The following GLIS3 variants were observed in gnomAD, a reference collection of about 807,000 sequenced individuals.
The protein encoded by GLIS3 is zinc finger protein GLIS3.
A neutral mutation model predicts 78.6 loss-of-function variants in GLIS3; 53 were observed. That is an observed-to-expected ratio of 0.67 (90% CI 0.54 to 0.85). GLIS3 has a LOEUF of 0.85. Ranked by LOEUF, GLIS3 falls within the 40% of genes least tolerant of loss-of-function variation. The pLI, the probability that GLIS3 is intolerant of heterozygous loss-of-function variation, is 0.00. For synonymous variants in GLIS3, 684 were observed against 509.9 expected, an observed-to-expected ratio of 1.34 and a Z score of -4.60; for missense variants, 1,703 against 1,231.1, an observed-to-expected ratio of 1.38 and a Z score of -5.74.
chr9:4,307,177 G>A (rs1289084446), intron 4 of GLIS3, among the ~76,000 whole-genome samples: 1 of 152,142 alleles, frequency 6.6e-6, no homozygotes, highest in Non-Finnish European at 1.5e-5. Flanking sequence ...CTAATGAGTG[G>A]TGGAGGTGAG....
intron 7 of GLIS3, among the ~76,000 whole-genome samples, chr9:3,897,537 G>T (rs901210469): frequency 6.6e-6 from 1 of 152,132 alleles, no homozygotes; most frequent in African/African-American, 2.4e-5. Context: ...TGAAACCTCT[G>T]TAAGTTTGGT....
the GLIS3 span, among the ~76,000 whole-genome samples, chr9:4,420,556 G>C: frequency 6.6e-6 from 1 of 152,104 alleles, no homozygotes; most frequent in South Asian, 2.1e-4. Context: ...ACCAGAGCAT[G>C]TTTACCATTT....
intron 2 of GLIS3, among the ~76,000 whole-genome samples, chr9:4,312,964 A>C (rs1422837968): frequency 6.6e-6 from 1 of 152,206 alleles, no homozygotes; most frequent in African/African-American, 2.4e-5. Flanking sequence ...GGTACAGAAA[A>C]ATTAAATCAC....
intron 2 of GLIS3, among the ~76,000 whole-genome samples, chr9:4,224,439 T>C (rs541231829): frequency 2.9e-4 from 44 of 152,356 alleles, no homozygotes; most frequent in African/African-American, 9.9e-4. Flanking sequence ...CATCATACAC[T>C]GTCCTCTTTA....
intron 2 of GLIS3, among the ~76,000 whole-genome samples, chr9:4,342,244 A>G (rs766412386): frequency 6.6e-6 from 1 of 152,112 alleles, no homozygotes; most frequent in Non-Finnish European, 1.5e-5. Flanking sequence ...TAGGTCTTTA[A>G]CCCATCTTGA....
intron 4 of GLIS3, among the ~76,000 whole-genome samples, chr9:3,982,051 T>C (rs910076188): frequency 2.6e-5 from 4 of 152,236 alleles, no homozygotes; most frequent in Non-Finnish European, 5.9e-5. Context: ...AATTCCATTA[T>C]ACCTTTAAAG....
intron 4 of GLIS3, among the ~76,000 whole-genome samples, chr9:3,965,356 G>A (rs147396797): frequency 0.011 from 1,689 of 151,756 alleles, 18 homozygotes; most frequent in South Asian, 0.023. Context: ...ACCACTCCTG[G>A]CTAATTTTTG....
chr9:3,925,109 T>C (rs531943906), intron 6 of GLIS3, among the ~76,000 whole-genome samples: 1 of 152,312 alleles, frequency 6.6e-6, no homozygotes, highest in Admixed American at 6.5e-5. Context: ...AACTACTTTG[T>C]TACATTTGAC....
At chr9:4,426,701 A>G in the GLIS3 span, among the ~76,000 whole-genome samples, 1 of 152,196 alleles carries the variant, frequency 6.6e-6, no homozygotes, top group Admixed American at 6.5e-5. Flanking sequence ...AACTAGAATG[A>G]TTGGGTTTCA....
chr9:4,480,774 A>T, the GLIS3 span, among the ~76,000 whole-genome samples: 1 of 152,074 alleles, frequency 6.6e-6, no homozygotes, highest in African/African-American at 2.4e-5. Flanking sequence ...GGAATTGTAG[A>T]ATGCATATTG....
the GLIS3 span, among the ~76,000 whole-genome samples, chr9:4,438,068 G>A: frequency 1.3e-5 from 2 of 152,000 alleles, no homozygotes; most frequent in Non-Finnish European, 2.9e-5. Flanking sequence ...GTTTTTCAAT[G>A]GTCAGCTGTA....
At chr9:3,923,184 C>G (rs989354814) in intron 6 of GLIS3, among the ~76,000 whole-genome samples, 3 of 152,182 alleles carry the variant, frequency 2.0e-5, no homozygotes, top group African/African-American at 4.8e-5. Flanking sequence ...ACTGTAAATA[C>G]CTAATTCGTT....
chr9:4,374,374 G>A, the GLIS3 span, among the ~76,000 whole-genome samples: 1 of 152,168 alleles, frequency 6.6e-6, no homozygotes, highest in African/African-American at 2.4e-5. Flanking sequence ...CTGTTCTCCG[G>A]GCTCCTTGCT....
intron 2 of GLIS3, among the ~76,000 whole-genome samples, chr9:4,268,697 G>C (rs930981539): frequency 6.6e-6 from 1 of 152,164 alleles, no homozygotes. Flanking sequence ...GATAGGTGGT[G>C]ATACCCCACA....
chr9:4,374,559 G>A, the GLIS3 span, among the ~76,000 whole-genome samples: 2 of 152,224 alleles, frequency 1.3e-5, no homozygotes, highest in Non-Finnish European at 2.9e-5. Context: ...CATGGCGGCT[G>A]TCTCTCTCAC....
intron 2 of GLIS3, among the ~76,000 whole-genome samples, chr9:4,257,064 C>T (rs1222671049): frequency 6.6e-6 from 1 of 151,892 alleles, no homozygotes; most frequent in Non-Finnish European, 1.5e-5. Context: ...ATTATGTGTA[C>T]ATATGTATGT....
At chr9:4,208,835 C>T (rs1820111158) in intron 2 of GLIS3, among the ~76,000 whole-genome samples, 1 of 152,160 alleles carries the variant, frequency 6.6e-6, no homozygotes, top group South Asian at 2.1e-4. Flanking sequence ...GTGACCAACA[C>T]CTTGTGTGCC....
chr9:4,440,458 C>T, the GLIS3 span, among the ~76,000 whole-genome samples: 15 of 152,306 alleles, frequency 9.8e-5, 1 homozygote, highest in East Asian at 5.8e-4. Flanking sequence ...AAAATGTGTT[C>T]GTAGCACCTT....
chr9:4,171,520 C>T (rs947115477), intron 2 of GLIS3, among the ~76,000 whole-genome samples: 1 of 152,128 alleles, frequency 6.6e-6, no homozygotes, highest in African/African-American at 2.4e-5. Flanking sequence ...AAATCAGATG[C>T]AGACTTCAAA....
Sources: allele counts gnomAD v4.1 joint callset (sites outside exome capture counted in the v4.1 genomes callset), GRCh38; gene constraint gnomAD v4.1.1; transcripts MANE v1.5; gene names NCBI Gene and HGNC (gene_info 2026-07-23, HGNC 2026-07-21).